The following TLL1 variants were observed in gnomAD, a reference collection of about 807,000 sequenced individuals.
TLL1 encodes the protein tolloid like 1.
TLL1 carries 49 observed loss-of-function variants against 128.2 expected under a neutral mutation model. The ratio of observed to expected loss-of-function variants is 0.38; its 90% CI spans 0.30 to 0.48. The LOEUF (loss-of-function observed/expected upper bound fraction) is 0.48. Among genes scored for constraint, TLL1 ranks in the 20% least tolerant of loss-of-function variants. The pLI, the probability that TLL1 is intolerant of heterozygous loss-of-function variation, is 0.96. For synonymous variants in TLL1, 454 were observed against 418.8 expected, an observed-to-expected ratio of 1.08 and a Z score of -1.03; for missense variants, 1,123 against 1,242.0, an observed-to-expected ratio of 0.90 and a Z score of 1.44.
At chr4:165,884,697 A>G (rs924940106) in intron 1 of TLL1, among the ~76,000 whole-genome samples, 1 of 152,116 alleles carries the variant, frequency 6.6e-6, no homozygotes, top group East Asian at 1.9e-4. Flanking sequence ...TTAGCCAGGC[A>G]TGGTGGTGAG....
chr4:166,025,837 C>A (rs1286654321), intron 9 of TLL1, among the ~76,000 whole-genome samples: 1 of 151,678 alleles, frequency 6.6e-6, no homozygotes, highest in African/African-American at 2.4e-5. Context: ...GAAGACCAAC[C>A]CTGTAAAATG....
At chr4:166,042,250 A>G in intron 11 of TLL1, 107 bp downstream of exon 11, 1 of 790,826 alleles carries the variant, frequency 1.3e-6, no homozygotes, top group Non-Finnish European at 2.2e-6. Context: ...AAAATTATGA[A>G]TTTTTCTGAA....
chr4:166,008,362 C>T (rs193108889), intron 7 of TLL1, among the ~76,000 whole-genome samples: 120 of 151,444 alleles, frequency 7.9e-4, no homozygotes, highest in Non-Finnish European at 6.1e-4. Flanking sequence ...CATTACCAAA[C>T]CAATCAGCAT....
intron 19 of TLL1, among the ~76,000 whole-genome samples, chr4:166,094,777 T>G (rs913926839): frequency 6.6e-6 from 1 of 152,198 alleles, no homozygotes; most frequent in African/African-American, 2.4e-5. Context: ...TAGTCATACA[T>G]GCTGAAATAC....
intron 1 of TLL1, among the ~76,000 whole-genome samples, chr4:165,950,303 G>C (rs550807999): frequency 6.6e-6 from 1 of 152,196 alleles, no homozygotes; most frequent in African/African-American, 2.4e-5. Flanking sequence ...TGAAAAGAGA[G>C]AGAAATACAC....
intron 7 of TLL1, among the ~76,000 whole-genome samples, chr4:166,011,410 T>C (rs1737693136): frequency 6.6e-6 from 1 of 151,462 alleles, no homozygotes; most frequent in Admixed American, 6.6e-5. Flanking sequence ...GTGAATGGAA[T>C]CAGTTATCTT....
chr4:166,005,092 G>A (rs1370411458), intron 6 of TLL1, among the ~76,000 whole-genome samples: 1 of 152,026 alleles, frequency 6.6e-6, no homozygotes, highest in Non-Finnish European at 1.5e-5. Context: ...ATATCATCAT[G>A]TGAGGGGAAA....
At chr4:165,900,175 T>TG (rs1225084651) in intron 1 of TLL1, among the ~76,000 whole-genome samples, 1 of 152,084 alleles carries the variant, frequency 6.6e-6, no homozygotes, top group African/African-American at 2.4e-5. Context: ...CGATGGGTCT[T>TG]GACTCTTTAT....
intron 1 of TLL1, among the ~76,000 whole-genome samples, chr4:165,941,923 C>T (rs1284556291): frequency 6.6e-6 from 1 of 152,004 alleles, no homozygotes; most frequent in Non-Finnish European, 1.5e-5. Flanking sequence ...TACTTTTCTT[C>T]TATTAGTAAT....
chr4:165,949,637 C>T (rs1360957934), intron 1 of TLL1, among the ~76,000 whole-genome samples: 1 of 152,064 alleles, frequency 6.6e-6, no homozygotes, highest in East Asian at 1.9e-4. Flanking sequence ...GTGAAAGGTA[C>T]ATCTCACATG....
intron 12 of TLL1, among the ~76,000 whole-genome samples, chr4:166,052,939 TTAAAGACTG>T (rs1560837708): frequency 5.1e-5 from 4 of 79,092 alleles, no homozygotes; most frequent in African/African-American, 2.3e-4. Context: ...AGGGATTAAA[TTAAAGACTG>T]AGATAAGAGG....
chr4:165,924,246 C>T (rs1044863348), intron 1 of TLL1, among the ~76,000 whole-genome samples: 3 of 152,102 alleles, frequency 2.0e-5, no homozygotes, highest in Non-Finnish European at 2.9e-5. Context: ...TGTCCAAAGC[C>T]GAGATAGGCC....
intron 18 of TLL1, among the ~76,000 whole-genome samples, chr4:166,084,949 G>T (rs1741436919): frequency 6.6e-6 from 1 of 150,802 alleles, no homozygotes; most frequent in Admixed American, 6.6e-5. Flanking sequence ...TGTTATTTGT[G>T]TTTTCTTTCA....
chr4:166,089,570 G>T (rs1052169945), intron 18 of TLL1, among the ~76,000 whole-genome samples: 8 of 152,060 alleles, frequency 5.3e-5, no homozygotes, highest in African/African-American at 1.9e-4. Flanking sequence ...TTTGCATGTT[G>T]TGCTTCAGGA....
intron 1 of TLL1, among the ~76,000 whole-genome samples, chr4:165,930,776 T>C (rs1329278545): frequency 6.6e-6 from 1 of 152,228 alleles, no homozygotes; most frequent in East Asian, 1.9e-4. Context: ...ATATTTGCTT[T>C]ATAATACTTG....
intron 1 of TLL1, chr4:165,874,870 G>C (rs1025061495): frequency 1.3e-5 from 2 of 152,304 alleles, no homozygotes; most frequent in Non-Finnish European, 2.9e-5. Context: ...GCGCGCGCGG[G>C]GCGGCGCTTC....
In TLL1 at chr4:165,891,634, G is replaced by A. The variant is rs9995426; in HGVS notation, c.169+17561G>A. ...AATCACCTTCACTCCAGCCCAATAA[G>A]TTTCTCATCTCCATCTGAGATCAAC... On this transcript the variant is annotated intron_variant, in intron 1 of 20. Transcript: ENST00000061240. Among the ~76,000 whole-genome samples, 1,113 of 152,186 alleles carry A rather than the reference G, an allele frequency of 7.3e-3. 21 individuals carry two copies. Among genetic ancestry groups the A allele is most frequent in the African/African-American group, 0.026 (1,078 of 41,532 alleles).
At chr4:166,080,384 T>A (rs1220741559) in intron 18 of TLL1, among the ~76,000 whole-genome samples, 1 of 152,168 alleles carries the variant, frequency 6.6e-6, no homozygotes, top group Admixed American at 6.6e-5. Flanking sequence ...CAAAATTCAA[T>A]CCATAACACC....
chr4:166,025,340 C>A lies in TLL1; in HGVS notation c.1067C>A (p.Ser356Tyr). The A allele has an allele frequency of 6.2e-7, 1 of 1,613,642 alleles. No homozygotes were observed. The highest frequency in any genetic ancestry group is 8.5e-7 in the Non-Finnish European group (1 of 1,179,676). The change falls in exon 9 of 21, where the codon TCC (serine) becomes TAC (tyrosine). Residue 356 changes from serine (S) to tyrosine (Y), a missense_variant. Ser to Tyr is a moderately radical substitution (Grantham distance 144). This residue lies in a region of TLL1 where 480 missense variants were observed against 542.4 expected (regional missense o/e 0.89). Coordinates refer to ENST00000061240, the MANE Select transcript of TLL1 (RefSeq NM_012464.5). ...CPACGETLQE[S>Y]NGNLSSPGFP... ...GCATGTGGAGAAACTCTACAAGAAT[C>A]CAATGGCAACCTTTCCTCTCCAGGA...
Sources: gnomAD v4.1 joint callset for allele counts (sites outside exome capture counted in the v4.1 genomes callset) on GRCh38, gnomAD v4.1.1 for gene constraint, gnomAD v4.1.1 regional missense constraint, MANE v1.5 for transcripts, NCBI Gene and HGNC (gene_info 2026-07-23, HGNC 2026-07-21) for gene names.